Variants in SRCAP observed in about 807,000 individuals in gnomAD.
SRCAP encodes the protein chromatin remodeling protein SRCAP.
Under a neutral mutation model 263.1 loss-of-function variants are expected in SRCAP, and 46 were observed. The ratio of observed to expected loss-of-function variants is 0.17; its 90% CI spans 0.14 to 0.22. The LOEUF (loss-of-function observed/expected upper bound fraction) is 0.22. SRCAP is among the 10% of genes least tolerant of loss of function. The probability of loss-of-function intolerance (pLI) is 1.00; values close to 1 mark genes in which losing one functional copy is unlikely to be tolerated. For synonymous variants in SRCAP, 1,813 were observed against 1,662.1 expected (o/e 1.09, Z -2.21); for missense variants, 3,695 against 4,181.9 (o/e 0.88, Z 3.21).
Position 30,739,552 on chromosome 16 carries a change from A to T in SRCAP, c.9512A>T (p.Glu3171Val). 8 of 1,609,962 alleles carry T rather than the reference A, an allele frequency of 5.0e-6. No individual in the cohort carries two copies. Among genetic ancestry groups the T allele is most frequent in the Non-Finnish European group, 5.9e-6 (7 of 1,178,210 alleles). The change falls in exon 34 of 34, where the codon GAG becomes GTG. Residue 3171 changes from glutamate to valine, a missense_variant. Glu to Val is a moderately radical substitution (Grantham distance 121). Around this residue, in one of 12 missense-constraint regions of SRCAP, gnomAD observed 1,207 missense variants for 1,142.9 expected, o/e 1.06. Coordinates refer to ENST00000262518, the MANE Select transcript of SRCAP (RefSeq NM_006662.3). ...SPLGPEGSVE[E>V]SEAEASGEEE... ...CTGGGGCCTGAGGGTTCAGTAGAGG[A>T]GTCTGAGGCTGAAGCCTCAGGTGAG... is the stretch of plus-strand genomic sequence containing the variant.
chr16:30,712,176 C>G lies in SRCAP; in HGVS notation c.1815+19C>G. ...GACCCAGGTATCCCCAGGTTCTGGC[C>G]TCTCCTTTCTCATGTCTTGACTTTC... On this transcript the variant is annotated intron_variant, in intron 12 of 33. Coordinates refer to ENST00000262518, the MANE Select transcript of SRCAP (RefSeq NM_006662.3). 4 of 1,607,950 alleles carry G rather than the reference C, an allele frequency of 2.5e-6. No homozygotes were observed. The South Asian group carries it at 4.4e-5, about 18-fold the overall frequency.
chr16:30,729,006 G>GCCTGGA lies in SRCAP; in HGVS notation c.5700_5705dup (p.Leu1901_Glu1902insAspLeu). On this transcript the variant is annotated inframe_insertion, in exon 26 of 34. Coordinates refer to ENST00000262518, the MANE Select transcript of SRCAP (RefSeq NM_006662.3). The stretch of plus-strand genomic sequence containing the variant: ...AAGCGGAAGCGGCAGCGGTCTGAAC[G>GCCTGGA]CCTGGAACGGATTTTCCAACTTAGT... 1 of 1,614,048 alleles carries GCCTGGA rather than the reference G, an allele frequency of 6.2e-7. No individual in the cohort carries two copies. The highest frequency in any genetic ancestry group is 8.5e-7 in the Non-Finnish European group (1 of 1,179,982).
intron 3 of SRCAP, among the ~76,000 whole-genome samples, chr16:30,701,903 A>G (rs923941770): frequency 6.7e-6 from 1 of 149,820 alleles, no homozygotes; most frequent in Admixed American, 6.6e-5. Context: ...AAGTATTAGG[A>G]TTACAGGTGT....
At chr16:30,721,807 G>T (rs1254646088) in intron 21 of SRCAP, among the ~76,000 whole-genome samples, 9 of 152,260 alleles carry the variant, frequency 5.9e-5, no homozygotes, top group African/African-American at 1.4e-4. Context: ...TGAATAAATA[G>T]TGGTAAGCCT....
rs186571696 is a variant in SRCAP at position 30,707,847 on chromosome 16, A to G, written c.633+135A>G. 1.4e-5 allele frequency: 17 copies of G among 1,180,720 alleles called. No homozygotes were observed. In the Admixed American group the frequency reaches 4.2e-4, roughly 29 times the overall value. The allele number at this position is 1,180,720 out of a possible 1,614,324, so 73.1% of individuals were successfully genotyped here. On this transcript the variant is annotated intron_variant, in intron 6 of 33. Transcript: ENST00000262518. Reference sequence around the variant, plus strand: ...CTCTAATGACGTTTATGTTGTATGGATAAAAAAGTATAGTGGCAAAATATG... The same window carrying G: ...CTCTAATGACGTTTATGTTGTATGGGTAAAAAAGTATAGTGGCAAAATATG...
intron 31 of SRCAP, 57 bp downstream of exon 31, chr16:30,734,672 C>T (rs2053142835): frequency 1.2e-6 from 2 of 1,609,894 alleles, no homozygotes; most frequent in South Asian, 1.1e-5. Context: ...AATATCTTGT[C>T]TTTTGTTAGT....
rs975284786 is a variant in SRCAP, at chr16:30,740,280, A to G, written c.*547A>G. 6.6e-6 allele frequency: 1 copy of G among 152,342 alleles called. No individual in the cohort carries two copies. The highest frequency in any genetic ancestry group is 6.6e-5 in the Admixed American group (1 of 15,260). The allele number at this position is 152,342 out of a possible 1,614,324, so 9.4% of individuals were successfully genotyped here. On this transcript the variant is annotated 3_prime_UTR_variant, in exon 34 of 34. Transcript: ENST00000262518. ...TGTTCCAGGCAGAAATCTACCCAAG[A>G]AGAGGGAAGATTGGTGAATTTGATG... is the stretch of plus-strand genomic sequence containing the variant.
At position 30,712,099 on chromosome 16, in the gene SRCAP, A is replaced by G; in HGVS notation, c.1757A>G (p.Asp586Gly). The G allele has an allele frequency of 1.2e-6, 2 of 1,614,124 alleles. No homozygotes were observed. Among genetic ancestry groups the G allele is most frequent in the Admixed American group, 1.7e-5 (1 of 60,018 alleles). ...TTLGPKKEIT[D>G]IAAAAESLQP... Reference sequence around the variant, plus strand: ...CTAGGTCCAAAGAAAGAAATTACTGACATTGCTGCAGCAGCTGAAAGTCTC... The same window carrying G: ...CTAGGTCCAAAGAAAGAAATTACTGGCATTGCTGCAGCAGCTGAAAGTCTC... The change falls in exon 12 of 34, where the codon GAC becomes GGC. Residue 586 changes from aspartate (D) to glycine (G), a missense_variant. Physicochemically the swap from Asp to Gly is moderately conservative, Grantham distance 94. Transcript: ENST00000262518.
intron 3 of SRCAP, among the ~76,000 whole-genome samples, chr16:30,701,637 T>C (rs1042332738): frequency 3.2e-5 from 4 of 124,908 alleles, no homozygotes; most frequent in Non-Finnish European, 4.8e-5. Flanking sequence ...TTTTCTTTTC[T>C]TTTTTTTTTT....
intron 27 of SRCAP, 98 bp downstream of exon 27, chr16:30,729,670 A>G (rs1446905589): frequency 7.0e-7 from 1 of 1,425,612 alleles, no homozygotes; most frequent in Non-Finnish European, 9.7e-7. Flanking sequence ...TTCTCTTGCG[A>G]TTTCTGTAAA....
chr16:30,738,192 C>T lies in SRCAP; in HGVS notation c.8152C>T (p.Arg2718Ter). 6.2e-7 allele frequency: 1 copy of T among 1,614,172 alleles called. No homozygotes were observed. Among genetic ancestry groups the T allele is most frequent in the Non-Finnish European group, 8.5e-7 (1 of 1,180,040 alleles). Residue 2718 changes from arginine to a stop codon, truncating the protein, a stop_gained, in exon 34 of 34, where the codon CGA becomes TGA. Transcript: ENST00000262518. LOFTEE classifies it high-confidence loss of function. ...TSSPEGPSPA[R>*]PPRRRTSADV... is the part of the protein sequence containing the mutation. ...CTCGCCTGAGGGTCCTTCACCTGCC[C>T]GACCTCCTCGGCGTCGCACCAGTGC... is the stretch of plus-strand genomic sequence containing the variant.
In SRCAP at chr16:30,737,716, C is replaced by T. The variant is rs2053174716; in HGVS notation, c.7676C>T (p.Ala2559Val). The change falls in exon 34 of 34, where the codon GCA becomes GTA. Residue 2559 changes from alanine (A) to valine (V), a missense_variant. Physicochemically the swap from Ala to Val is moderately conservative, Grantham distance 64 (BLOSUM62 0). Around this residue, in one of 12 missense-constraint regions of SRCAP, gnomAD observed 1,207 missense variants for 1,142.9 expected, o/e 1.06. Transcript: ENST00000262518. Reference protein sequence around the residue: ...PEAELCAQALASPESLELASV... With the variant: ...PEAELCAQALVSPESLELASV... ...GCAGAGCTGTGTGCCCAGGCATTGGCATCTCCAGAGTCCCTGGAGCTGGCT... is the reference window on the plus strand; with the variant it reads ...GCAGAGCTGTGTGCCCAGGCATTGGTATCTCCAGAGTCCCTGGAGCTGGCT... 1 of 1,614,100 alleles carries T rather than the reference C, an allele frequency of 6.2e-7. No individual in the cohort carries two copies.
intron 27 of SRCAP, among the ~76,000 whole-genome samples, 196 bp downstream of exon 27, chr16:30,729,768 T>A (rs777210811): frequency 5.3e-5 from 8 of 152,192 alleles, no homozygotes; most frequent in Non-Finnish European, 1.2e-4. Context: ...AATATGACTT[T>A]CTTCTTTTTT....
rs1035030655 is a variant in SRCAP at position 30,734,339 on chromosome 16, CAAAAA to C, written c.6610-155_6610-151del. 18 of 1,181,470 alleles carry C rather than the reference CAAAAA, an allele frequency of 1.5e-5. No individual in the cohort carries two copies. The African/African-American group carries it at 2.5e-4, about 16-fold the overall frequency. The allele number at this position is 1,181,470 out of a possible 1,614,324, so 73.2% of individuals were successfully genotyped here. ...GCCTGGGTGACGAGCAAAACCGTCT[CAAAAA>C]AGAAAAAACAAAAAGGACTGCTTTG... On this transcript the variant is annotated intron_variant, in intron 30 of 33. Coordinates refer to ENST00000262518, the MANE Select transcript of SRCAP (RefSeq NM_006662.3).
Position 30,713,752 on chromosome 16 carries a change from A to G in SRCAP, c.2493+41A>G, listed in dbSNP as rs375962879. On this transcript the variant is annotated intron_variant, in intron 16 of 33. Transcript: ENST00000262518. ...GTTTGTCAGGGTATTGGGAATGGTAAGGAACCATTCCTGAGCACCTGGGCA... is the reference window on the plus strand; with the variant it reads ...GTTTGTCAGGGTATTGGGAATGGTAGGGAACCATTCCTGAGCACCTGGGCA... 10 of 1,585,970 alleles carry G rather than the reference A, an allele frequency of 6.3e-6. No homozygotes were observed. In the African/African-American group the frequency reaches 1.3e-4, roughly 21 times the overall value.
chr16:30,733,292 C>G lies in SRCAP; in HGVS notation c.6140C>G (p.Thr2047Arg). Residue 2047 changes from threonine (T) to arginine (R), a missense_variant, in exon 28 of 34, where the codon ACG (threonine) becomes AGG (arginine). Around this residue, in one of 12 missense-constraint regions of SRCAP, gnomAD observed 138 missense variants for 254.9 expected, o/e 0.54. Coordinates refer to ENST00000262518, the MANE Select transcript of SRCAP (RefSeq NM_006662.3). The surrounding 1 kb of genome is among the most constrained non-coding windows in gnomAD (Gnocchi z 5.3). ...LIQYDCGKLQTLAVLLRQLKA... is the reference protein window; with the variant it reads ...LIQYDCGKLQRLAVLLRQLKA... ...CATATCTCTTTAGGAAAGTTGCAGA[C>G]GTTGGCAGTGCTGTTGCGGCAGCTC... 6.2e-7 allele frequency: 1 copy of G among 1,613,912 alleles called. No individual in the cohort carries two copies. Among genetic ancestry groups the G allele is most frequent in the Non-Finnish European group, 8.5e-7 (1 of 1,180,022 alleles).
intron 21 of SRCAP, 31 bp downstream of exon 21, chr16:30,721,507 TTGAGA>T: frequency 1.3e-6 from 2 of 1,597,432 alleles, no homozygotes; most frequent in Non-Finnish European, 1.7e-6. Context: ...GGTGAGGGAC[TTGAGA>T]TGGGAGGAAA....
intron 3 of SRCAP, among the ~76,000 whole-genome samples, chr16:30,703,568 A>C (rs1267047267): frequency 6.6e-6 from 1 of 151,934 alleles, no homozygotes; most frequent in Non-Finnish European, 1.5e-5. Context: ...AAGCATCTAT[A>C]AACTTGGCTC....
Position 30,739,036 on chromosome 16 carries a change from C to T in SRCAP, c.8996C>T (p.Ser2999Leu). ...AACACTGTCACCACTGTCACCATTT[C>T]AACGTCCCCACCCAAACGGAAGAGG... Reference protein sequence around the residue: ...VANTVTTVTISTSPPKRKRGR... With the variant: ...VANTVTTVTILTSPPKRKRGR... Residue 2999 changes from serine to leucine, a missense_variant, in exon 34 of 34, where the codon TCA becomes TTA. Ser to Leu is a moderately radical substitution (Grantham distance 145, BLOSUM62 -2). Around this residue, in one of 12 missense-constraint regions of SRCAP, gnomAD observed 1,207 missense variants for 1,142.9 expected, o/e 1.06. Transcript: ENST00000262518. The T allele has an allele frequency of 6.2e-7, 1 of 1,614,222 alleles. No homozygotes were observed. The highest frequency in any genetic ancestry group is 8.5e-7 in the Non-Finnish European group (1 of 1,180,030).
Sources: gnomAD v4.1 joint callset for allele counts (sites outside exome capture counted in the v4.1 genomes callset) on GRCh38, gnomAD v4.1.1 for gene constraint, gnomAD v4.1.1 regional missense constraint, Gnocchi (gnomAD v3.1) non-coding constraint, MANE v1.5 for transcripts, NCBI Gene and HGNC (gene_info 2026-07-23, HGNC 2026-07-21) for gene names.